The following ELAPOR2 variants were observed in gnomAD, a reference collection of about 807,000 sequenced individuals.
The protein encoded by ELAPOR2 is endosome/lysosome-associated apoptosis and autophagy regulator family member 2.
In ELAPOR2, 89 loss-of-function variants were observed where a neutral mutation model predicts 120.7. That is an observed-to-expected ratio of 0.74 (90% CI 0.62 to 0.88). ELAPOR2 has a LOEUF of 0.88. Ranked by LOEUF, ELAPOR2 falls within the 40% of genes least tolerant of loss-of-function variation. The pLI is 0.00. For missense variants in ELAPOR2, 1,134 were observed against 1,251.6 expected, an observed-to-expected ratio of 0.91 and a Z score of 1.42; for synonymous variants, 444 against 444.9, an observed-to-expected ratio of 1.00 and a Z score of 0.03.
chr7:87,023,422 A>G (rs1023558847), intron 1 of ELAPOR2, among the ~76,000 whole-genome samples: 1 of 152,068 alleles, frequency 6.6e-6, no homozygotes, highest in African/African-American at 2.4e-5. Flanking sequence ...CCATTGGTCT[A>G]TATCTCTGTT....
intron 1 of ELAPOR2, among the ~76,000 whole-genome samples, chr7:87,029,244 A>G (rs1166685170): frequency 6.6e-6 from 1 of 152,220 alleles, no homozygotes; most frequent in Non-Finnish European, 1.5e-5. Context: ...GAAGGGCTGA[A>G]AAAATATTTG....
intron 8 of ELAPOR2, among the ~76,000 whole-genome samples, chr7:86,930,929 G>A (rs1790298033): frequency 6.6e-6 from 1 of 151,896 alleles, no homozygotes; most frequent in African/African-American, 2.4e-5. Flanking sequence ...AAAGTACCAT[G>A]GGAGATTCAA....
Position 86,879,765 on chromosome 7 carries a change from C to A in ELAPOR2, c.*706G>T, listed in dbSNP as rs973613920. ...AATGGAGAATTAGGGCTTCTCGTTA[C>A]CTTTCTTACTTTTTTGTTTTTTAGA... On this transcript the variant is annotated 3_prime_UTR_variant, in exon 22 of 22. Coordinates refer to ENST00000450689, the MANE Select transcript of ELAPOR2 (RefSeq NM_001142749.3). 6.6e-6 allele frequency: 1 copy of A among 152,144 alleles called. No individual in the cohort carries two copies. Among genetic ancestry groups the A allele is most frequent in the African/African-American group, 2.4e-5 (1 of 41,426 alleles). 9.4% of individuals were successfully genotyped at this position (152,144 alleles called of 1,614,324 possible).
intron 6 of ELAPOR2, among the ~76,000 whole-genome samples, chr7:86,939,491 A>C (rs912637595): frequency 6.6e-6 from 1 of 152,130 alleles, no homozygotes; most frequent in Non-Finnish European, 1.5e-5. Context: ...AAGGAGAATC[A>C]CTGCTTTAAT....
rs1317675150 is a variant in ELAPOR2, at chr7:86,879,093, T to G, written c.*1378A>C. 1 of 152,150 alleles carries G rather than the reference T, an allele frequency of 6.6e-6. No individual in the cohort carries two copies. Among genetic ancestry groups the G allele is most frequent in the Non-Finnish European group, 1.5e-5 (1 of 68,016 alleles). 9.4% of individuals were successfully genotyped at this position (152,150 alleles called of 1,614,324 possible). The stretch of plus-strand genomic sequence containing the variant: ...GCCTCTCTCAGCCAATCACAACTAT[T>G]TTTTTAAATCTGCATTAAGGTCTAT... On this transcript the variant is annotated 3_prime_UTR_variant, in exon 22 of 22. Transcript: ENST00000450689.
At chr7:86,976,003 A>G (rs1317103637) in intron 1 of ELAPOR2, among the ~76,000 whole-genome samples, 1 of 152,160 alleles carries the variant, frequency 6.6e-6, no homozygotes, top group Non-Finnish European at 1.5e-5. Context: ...GAGTACTGGG[A>G]GAGGGGAAAT....
chr7:87,038,768 C>T (rs1196871233), intron 1 of ELAPOR2, among the ~76,000 whole-genome samples: 1 of 151,876 alleles, frequency 6.6e-6, no homozygotes, highest in African/African-American at 2.4e-5. Flanking sequence ...CATACCAAAA[C>T]TTATGGGATA....
At chr7:87,048,050 C>G (rs1468325187) in intron 1 of ELAPOR2, among the ~76,000 whole-genome samples, 2 of 152,090 alleles carry the variant, frequency 1.3e-5, no homozygotes, top group African/African-American at 2.4e-5. Context: ...TCAAGACCAT[C>G]CTGGCCAACG....
intron 17 of ELAPOR2, among the ~76,000 whole-genome samples, chr7:86,908,150 TAC>T (rs144805388): frequency 0.059 from 8,535 of 144,058 alleles, 336 homozygotes; most frequent in African/African-American, 0.11. Context: ...TGTAAGTGAA[TAC>T]ACACACACAC....
chr7:87,035,286 C>A (rs916133091), intron 1 of ELAPOR2, among the ~76,000 whole-genome samples: 1 of 152,112 alleles, frequency 6.6e-6, no homozygotes. Flanking sequence ...GGTTTGCAAT[C>A]CATCCAAAGA....
chr7:86,957,454 A>G (rs1393991111), intron 2 of ELAPOR2, among the ~76,000 whole-genome samples: 2 of 152,216 alleles, frequency 1.3e-5, no homozygotes, highest in Admixed American at 6.5e-5. Flanking sequence ...AAAGGATTAT[A>G]TATTCTGTCC....
At chr7:86,944,858 T>C (rs370259701) in intron 4 of ELAPOR2, 41 bp downstream of exon 4, 1 of 1,476,486 alleles carries the variant, frequency 6.8e-7, no homozygotes, top group Non-Finnish European at 9.0e-7. Flanking sequence ...TTTACATGAA[T>C]GTCCCTTAAA....
intron 19 of ELAPOR2, among the ~76,000 whole-genome samples, chr7:86,896,430 A>T (rs1788440616): frequency 6.6e-6 from 1 of 152,032 alleles, no homozygotes; most frequent in Non-Finnish European, 1.5e-5. Flanking sequence ...ACTGCTGCCA[A>T]ATACTTGGAA....
chr7:86,969,803 G>T (rs990975188), intron 1 of ELAPOR2, among the ~76,000 whole-genome samples: 12 of 152,168 alleles, frequency 7.9e-5, no homozygotes, highest in African/African-American at 2.9e-4. Context: ...ATGTGCGGAA[G>T]AGTATACAAA....
chr7:86,881,761 G>A (rs946148711), intron 21 of ELAPOR2, among the ~76,000 whole-genome samples: 9 of 152,110 alleles, frequency 5.9e-5, no homozygotes, highest in Admixed American at 6.5e-5. Context: ...TGCTGGAATG[G>A]GATAGGGAGA....
chr7:87,022,114 A>G (rs1376228291), intron 1 of ELAPOR2, among the ~76,000 whole-genome samples: 1 of 152,152 alleles, frequency 6.6e-6, no homozygotes, highest in Non-Finnish European at 1.5e-5. Context: ...GTTTTAGGGT[A>G]CATGTGCACA....
chr7:87,035,733 CAT>C (rs149594574), intron 1 of ELAPOR2, among the ~76,000 whole-genome samples: 3,687 of 152,296 alleles, frequency 0.024, 168 homozygotes, highest in African/African-American at 0.085. Context: ...CTTTTGCAGC[CAT>C]ATGACAGCTA....
At chr7:87,019,800 A>G (rs1027569316) in intron 1 of ELAPOR2, among the ~76,000 whole-genome samples, 18 of 152,328 alleles carry the variant, frequency 1.2e-4, no homozygotes, top group Non-Finnish European at 2.2e-4. Context: ...CTCTATCCCT[A>G]GAAAATAATT....
At chr7:86,888,723 G>T (rs558375154) in intron 21 of ELAPOR2, among the ~76,000 whole-genome samples, 2 of 152,204 alleles carry the variant, frequency 1.3e-5, no homozygotes, top group African/African-American at 4.8e-5. Context: ...AGGGAGAGTT[G>T]AGCTGACTTC....
Sources: gnomAD v4.1 joint callset for allele counts (sites outside exome capture counted in the v4.1 genomes callset) on GRCh38, gnomAD v4.1.1 for gene constraint, MANE v1.5 for transcripts, NCBI Gene and HGNC (gene_info 2026-07-23, HGNC 2026-07-21) for gene names.